The following PEX5L variants were observed in gnomAD, a reference collection of about 807,000 sequenced individuals.
The protein encoded by PEX5L is peroxisomal biogenesis factor 5 like.
In PEX5L, 30 loss-of-function variants were observed where a neutral mutation model predicts 84.0. The ratio of observed to expected loss-of-function variants is 0.36; its 90% CI spans 0.27 to 0.48. The LOEUF is 0.48. Among genes scored for constraint, PEX5L ranks in the 20% least tolerant of loss-of-function variants. The probability of loss-of-function intolerance (pLI) is 0.99; values close to 1 mark genes in which losing one functional copy is unlikely to be tolerated. For synonymous variants in PEX5L, 270 were observed against 283.1 expected (o/e 0.95, Z 0.46); for missense variants, 533 against 754.6 (o/e 0.71, Z 3.44).
intron 2 of PEX5L, among the ~76,000 whole-genome samples, chr3:179,957,883 T>C (rs1211758875): frequency 6.6e-6 from 1 of 152,218 alleles, no homozygotes; most frequent in Non-Finnish European, 1.5e-5. Flanking sequence ...TTCAGTATTG[T>C]GTACTGCCCC....
At chr3:179,818,133 T>C (rs988456534) in intron 9 of PEX5L, among the ~76,000 whole-genome samples, 1 of 152,214 alleles carries the variant, frequency 6.6e-6, no homozygotes, top group East Asian at 1.9e-4. Flanking sequence ...AGTGTAAGAG[T>C]AGATACTCAA....
At chr3:179,815,837 G>A in intron 10 of PEX5L, 24 bp downstream of exon 10, 1 of 1,612,748 alleles carries the variant, frequency 6.2e-7, no homozygotes, top group Non-Finnish European at 8.5e-7. Context: ...TTCTGAGTCT[G>A]GCAGAATGAA....
intron 2 of PEX5L, among the ~76,000 whole-genome samples, chr3:179,919,552 A>G (rs1768519448): frequency 6.6e-6 from 1 of 152,060 alleles, no homozygotes; most frequent in South Asian, 2.1e-4. Flanking sequence ...TTCCCCCTCG[A>G]GTAATTCGTC....
chr3:179,835,818 A>C (rs1734734656), intron 8 of PEX5L, among the ~76,000 whole-genome samples: 1 of 152,234 alleles, frequency 6.6e-6, no homozygotes, highest in Non-Finnish European at 1.5e-5. Context: ...ATTAGGGATC[A>C]CTGAAATCTT....
intron 1 of PEX5L, among the ~76,000 whole-genome samples, chr3:179,983,293 T>A (rs1237109887): frequency 6.6e-6 from 1 of 151,930 alleles, no homozygotes; most frequent in African/African-American, 2.4e-5. Flanking sequence ...ACCTTACACA[T>A]CCAAATCTAC....
chr3:179,855,927 T>G (rs1743763971), intron 8 of PEX5L, among the ~76,000 whole-genome samples: 1 of 152,218 alleles, frequency 6.6e-6, no homozygotes, highest in Admixed American at 6.5e-5. Flanking sequence ...TCAGGTTATT[T>G]TGTTATAGCA....
At chr3:180,026,344 C>A (rs145990100) in intron 1 of PEX5L, among the ~76,000 whole-genome samples, 121 of 151,984 alleles carry the variant, frequency 8.0e-4, no homozygotes, top group African/African-American at 2.8e-3. Context: ...ATAAATCTTC[C>A]TAAAGGGTTA....
chr3:179,880,242 G>A (rs549056803), intron 4 of PEX5L, 119 bp from the exon 5 acceptor site: 4 of 570,530 alleles, frequency 7.0e-6, no homozygotes, highest in Admixed American at 7.1e-5. Flanking sequence ...ATAAAATTAC[G>A]TTAGCTCATC....
At chr3:179,922,208 T>C (rs1376255015) in intron 2 of PEX5L, among the ~76,000 whole-genome samples, 1 of 152,176 alleles carries the variant, frequency 6.6e-6, no homozygotes, top group Non-Finnish European at 1.5e-5. Context: ...TGGGGGAATG[T>C]GGCAAACAAT....
intron 2 of PEX5L, among the ~76,000 whole-genome samples, chr3:179,923,072 G>A (rs1350375683): frequency 1.3e-5 from 2 of 151,782 alleles, no homozygotes; most frequent in Admixed American, 6.5e-5. Flanking sequence ...GGCGGATCAC[G>A]AAGTCAGGAG....
chr3:179,821,516 C>A (rs1436764468), intron 8 of PEX5L, among the ~76,000 whole-genome samples: 5 of 152,160 alleles, frequency 3.3e-5, no homozygotes, highest in Non-Finnish European at 1.5e-5. Context: ...GAATAAGAAC[C>A]AGCCCAATGT....
chr3:179,938,056 A>T (rs1057193505), intron 2 of PEX5L, among the ~76,000 whole-genome samples: 1 of 151,954 alleles, frequency 6.6e-6, no homozygotes, highest in Admixed American at 6.6e-5. Flanking sequence ...CATCACTCTC[A>T]CTAACACCAT....
intron 3 of PEX5L, among the ~76,000 whole-genome samples, chr3:179,897,883 T>G (rs1578175061): frequency 6.6e-6 from 1 of 152,162 alleles, no homozygotes; most frequent in East Asian, 1.9e-4. Context: ...ATGTTTTACT[T>G]GCACATATAT....
chr3:179,874,430 G>A lies in PEX5L; in HGVS notation c.630-7C>T. On this transcript the variant is annotated splice_polypyrimidine_tract_variant and splice_region_variant and intron_variant, in intron 6 of 14. Coordinates refer to ENST00000467460, the MANE Select transcript of PEX5L (RefSeq NM_016559.3). ...AGATCTGTGTTCTGAGGACCTATAAGGGATGCATTAAGGAAATTAAACGTA... is the reference window on the plus strand; with the variant it reads ...AGATCTGTGTTCTGAGGACCTATAAAGGATGCATTAAGGAAATTAAACGTA... 6.6e-7 allele frequency: 1 copy of A among 1,513,928 alleles called. No homozygotes were observed. The allele number at this position is 1,513,928 out of a possible 1,614,324, so 93.8% of individuals were successfully genotyped here. A position where few individuals can be genotyped will look rare whatever the true frequency, so the allele number is the denominator to read the frequency against.
Position 179,847,682 on chromosome 3 carries a change from G to A in PEX5L, c.822+11380C>T, listed in dbSNP as rs183124500. On this transcript the variant is annotated intron_variant, in intron 8 of 14. Coordinates refer to ENST00000467460, the MANE Select transcript of PEX5L (RefSeq NM_016559.3). ...AGAATATTTAGTCATTCAGTATTTT[G>A]ATTTTACTTTATAAAAAGTTTTTTT... 7.4e-4 allele frequency among the ~76,000 whole-genome samples: 113 copies of A among 151,992 alleles called. 1 individual carries two copies. Among genetic ancestry groups the A allele is most frequent in the African/African-American group, 2.4e-3 (98 of 41,428 alleles).
chr3:179,822,762 A>T (rs1329300867), intron 8 of PEX5L, among the ~76,000 whole-genome samples: 1 of 152,202 alleles, frequency 6.6e-6, no homozygotes, highest in Non-Finnish European at 1.5e-5. Context: ...CTATCTGCTT[A>T]TATCAGAAAT....
At chr3:179,974,222 G>C (rs1785464001) in intron 1 of PEX5L, 1 of 984,104 alleles carries the variant, frequency 1.0e-6, no homozygotes, top group Admixed American at 6.1e-5. Context: ...GACTGAACTA[G>C]AAGGAAAAAG....
At chr3:179,840,465 A>G (rs1258376918) in intron 8 of PEX5L, among the ~76,000 whole-genome samples, 1 of 152,052 alleles carries the variant, frequency 6.6e-6, no homozygotes, top group Non-Finnish European at 1.5e-5. Context: ...CTGGGCTTAC[A>G]GATGTGACCC....
intron 8 of PEX5L, among the ~76,000 whole-genome samples, chr3:179,845,066 T>C (rs1279941663): frequency 6.6e-6 from 1 of 152,208 alleles, no homozygotes; most frequent in Non-Finnish European, 1.5e-5. Flanking sequence ...TGTAGCCAGA[T>C]CAGATATCTA....
Sources: allele counts gnomAD v4.1 joint callset (sites outside exome capture counted in the v4.1 genomes callset), GRCh38; gene constraint gnomAD v4.1.1; transcripts MANE v1.5; gene names NCBI Gene and HGNC (gene_info 2026-07-23, HGNC 2026-07-21).